Variants in CDK6 observed in about 807,000 individuals in gnomAD.
The protein encoded by CDK6 is cyclin-dependent kinase 6.
CDK6 carries 6 observed loss-of-function variants against 37.1 expected under a neutral mutation model. The ratio of observed to expected loss-of-function variants is 0.16; its 90% CI spans 0.09 to 0.32. The LOEUF is 0.32. Among genes scored for constraint, CDK6 ranks in the 10% least tolerant of loss-of-function variants. The pLI is 1.00. For missense variants in CDK6, 224 were observed against 418.9 expected, an observed-to-expected ratio of 0.53 and a Z score of 4.06; for synonymous variants, 160 against 161.3, an observed-to-expected ratio of 0.99 and a Z score of 0.06.
chr7:92,733,282 T>C (rs1798696559), intron 3 of CDK6, among the ~76,000 whole-genome samples: 1 of 152,132 alleles, frequency 6.6e-6, no homozygotes, highest in Admixed American at 6.5e-5. Context: ...GCCATCACTA[T>C]CATTTACTGT....
intron 4 of CDK6, among the ~76,000 whole-genome samples, chr7:92,672,164 CATACACACACACACACACAG>C (rs1797090227): frequency 1.8e-5 from 1 of 54,244 alleles, no homozygotes; most frequent in African/African-American, 6.5e-5. Context: ...TATATATACA[CATACACACACACACACACAG>C]ACACATACAC....
intron 3 of CDK6, among the ~76,000 whole-genome samples, chr7:92,734,800 G>T (rs1446833223): frequency 6.6e-6 from 1 of 152,182 alleles, no homozygotes; most frequent in African/African-American, 2.4e-5. Context: ...ATTAAAACAT[G>T]TTCATATGTG....
At chr7:92,728,933 C>T (rs1320177025) in intron 3 of CDK6, among the ~76,000 whole-genome samples, 2 of 152,094 alleles carry the variant, frequency 1.3e-5, no homozygotes, top group South Asian at 2.1e-4. Context: ...GCATTGTGAA[C>T]CTGTAATAAG....
chr7:92,661,909 G>A (rs1424408223), intron 5 of CDK6, among the ~76,000 whole-genome samples: 2 of 152,202 alleles, frequency 1.3e-5, no homozygotes, highest in Non-Finnish European at 2.9e-5. Context: ...TTTATGATGG[G>A]AAGGGATGAA....
rs1037451680 is a variant in CDK6 at position 92,637,976 on chromosome 7, G to A, written c.648-14890C>T. On this transcript the variant is annotated intron_variant, in intron 5 of 7. Coordinates refer to ENST00000424848, the MANE Select transcript of CDK6 (RefSeq NM_001145306.2). Reference sequence around the variant, plus strand: ...CCCTTTAAAGCTTACAAAGCATTATGAGTAAAAGTATTTAACGTATTACAA... The same window carrying A: ...CCCTTTAAAGCTTACAAAGCATTATAAGTAAAAGTATTTAACGTATTACAA... Among the ~76,000 whole-genome samples the A allele has an allele frequency of 6.1e-4, 93 of 152,186 alleles. 1 individual carries two copies. Among genetic ancestry groups the A allele is most frequent in the Non-Finnish European group, 2.5e-4 (17 of 68,006 alleles).
chr7:92,718,987 C>T (rs962790920), intron 4 of CDK6, among the ~76,000 whole-genome samples: 2 of 152,178 alleles, frequency 1.3e-5, no homozygotes, highest in African/African-American at 4.8e-5. Flanking sequence ...AGCCACAACT[C>T]CATTTCATTG....
intron 2 of CDK6, among the ~76,000 whole-genome samples, chr7:92,812,781 T>C (rs1303800513): frequency 2.0e-5 from 3 of 152,188 alleles, no homozygotes; most frequent in Non-Finnish European, 4.4e-5. Flanking sequence ...ATATCATATA[T>C]TGAATTACTG....
At chr7:92,786,789 A>G (rs1189935172) in intron 2 of CDK6, among the ~76,000 whole-genome samples, 1 of 151,642 alleles carries the variant, frequency 6.6e-6, no homozygotes, top group Non-Finnish European at 1.5e-5. Flanking sequence ...ATCTTTATTG[A>G]AAATGGAAAG....
rs143563357 is a variant in CDK6, at chr7:92,751,336, A to G, written c.369+23360T>C. On this transcript the variant is annotated intron_variant, in intron 3 of 7. Coordinates refer to ENST00000424848, the MANE Select transcript of CDK6 (RefSeq NM_001145306.2). ...AGAAGAAAAGAAGTGTTCGAGATAC[A>G]TTTTGTCTTGAACTAAGTTGGGCTC... Among the ~76,000 whole-genome samples the G allele has an allele frequency of 4.4e-3, 669 of 152,276 alleles. 2 individuals are homozygous for G. The highest frequency in any genetic ancestry group is 0.015 in the African/African-American group (634 of 41,556).
chr7:92,771,331 T>C lies in CDK6; in HGVS notation c.369+3365A>G, dbSNP rs796164941. On this transcript the variant is annotated intron_variant, in intron 3 of 7. Transcript: ENST00000424848. ...ATAAAAATAAAATATCTTAGACACG[T>C]GACTCCGTCTCAAAAAAAAATAAAA... 1.1e-4 allele frequency among the ~76,000 whole-genome samples: 17 copies of C among 151,000 alleles called. No individual in the cohort carries two copies. In the South Asian group the frequency reaches 3.1e-3, roughly 28 times the overall value.
chr7:92,777,515 G>A (rs923650158), intron 2 of CDK6, among the ~76,000 whole-genome samples: 2 of 152,166 alleles, frequency 1.3e-5, no homozygotes, highest in African/African-American at 4.8e-5. Flanking sequence ...TGAAGTGTTG[G>A]GATTACAGGT....
chr7:92,781,177 A>G (rs1799982118), intron 2 of CDK6, among the ~76,000 whole-genome samples: 1 of 152,228 alleles, frequency 6.6e-6, no homozygotes, highest in South Asian at 2.1e-4. Context: ...ATGCAATCCA[A>G]AAAAGGCAGA....
intron 4 of CDK6, among the ~76,000 whole-genome samples, chr7:92,689,603 A>C (rs1311506452): frequency 6.6e-6 from 1 of 152,192 alleles, no homozygotes; most frequent in East Asian, 1.9e-4. Flanking sequence ...ATGCACGTGC[A>C]TGTGTCTTTA....
intron 5 of CDK6, among the ~76,000 whole-genome samples, chr7:92,648,726 C>A (rs2116553073): frequency 6.6e-6 from 1 of 152,270 alleles, no homozygotes; most frequent in East Asian, 1.9e-4. Context: ...AAGATGATCT[C>A]ATTATCTGTG....
At chr7:92,620,836 A>C (rs929602591) in intron 6 of CDK6, among the ~76,000 whole-genome samples, 5 of 152,188 alleles carry the variant, frequency 3.3e-5, no homozygotes, top group Non-Finnish European at 1.5e-5. Context: ...TGAGCTCGGA[A>C]GGCCAAGGCT....
At chr7:92,688,055 G>A (rs1415991997) in intron 4 of CDK6, among the ~76,000 whole-genome samples, 1 of 152,014 alleles carries the variant, frequency 6.6e-6, no homozygotes, top group Non-Finnish European at 1.5e-5. Flanking sequence ...TCTAGTTTTT[G>A]GATATAGTAA....
At chr7:92,689,660 T>C (rs929476315) in intron 4 of CDK6, among the ~76,000 whole-genome samples, 1 of 152,194 alleles carries the variant, frequency 6.6e-6, no homozygotes, top group Non-Finnish European at 1.5e-5. Context: ...AGCAATGGGA[T>C]TGCTGGATTG....
intron 4 of CDK6, among the ~76,000 whole-genome samples, chr7:92,693,162 T>G (rs1797635045): frequency 1.3e-5 from 2 of 152,250 alleles, no homozygotes; most frequent in South Asian, 4.1e-4. Flanking sequence ...TTTTGCAGGT[T>G]ACTATTTTCC....
At chr7:92,764,371 A>G (rs548679324) in intron 3 of CDK6, among the ~76,000 whole-genome samples, 15 of 152,242 alleles carry the variant, frequency 9.9e-5, no homozygotes, top group Non-Finnish European at 7.4e-5. Context: ...TCCTGGGCTC[A>G]AGTGATGCGT....
Sources: allele counts gnomAD v4.1 joint callset (sites outside exome capture counted in the v4.1 genomes callset), GRCh38; gene constraint gnomAD v4.1.1; transcripts MANE v1.5; gene names NCBI Gene and HGNC (gene_info 2026-07-23, HGNC 2026-07-21).